The following JMY variants were observed in gnomAD, a reference collection of about 807,000 sequenced individuals.
JMY encodes the protein junction-mediating and -regulatory protein.
Under a neutral mutation model 103.3 loss-of-function variants are expected in JMY, and 46 were observed. The observed-to-expected ratio is 0.45, with a 90% confidence interval of 0.35 to 0.57. The LOEUF (loss-of-function observed/expected upper bound fraction) is 0.57, where lower values mean the gene tolerates loss of function less well. JMY is among the 20% of genes least tolerant of loss of function. The probability of loss-of-function intolerance (pLI) is 0.00; values close to 1 mark genes in which losing one functional copy is unlikely to be tolerated. For synonymous variants in JMY, 526 were observed against 489.3 expected, an observed-to-expected ratio of 1.07 and a Z score of -0.99; for missense variants, 1,238 against 1,255.2, an observed-to-expected ratio of 0.99 and a Z score of 0.21.
In JMY at chr5:79,316,105, G is replaced by A; in HGVS notation, c.2765G>A (p.Ser922Asn). 3.1e-6 allele frequency: 5 copies of A among 1,613,836 alleles called. No individual in the cohort carries two copies. Among genetic ancestry groups the A allele is most frequent in the Non-Finnish European group, 4.2e-6 (5 of 1,179,710 alleles). ...CCTCCTTTTCCTGATGAAGATGATA[G>A]TAATAATATCTTGGCACAAATAAGG... ...TLPPFPDEDDSNNILAQIRKG... is the reference protein window; with the variant it reads ...TLPPFPDEDDNNNILAQIRKG... Residue 922 changes from serine to asparagine, a missense_variant, in exon 10 of 11, where the codon AGT (serine) becomes AAT (asparagine). Ser to Asn is a conservative substitution (Grantham distance 46). Transcript: ENST00000396137.
At chr5:79,281,406 T>C (rs893084764) in intron 2 of JMY, among the ~76,000 whole-genome samples, 1 of 148,686 alleles carries the variant, frequency 6.7e-6, no homozygotes, top group African/African-American at 2.5e-5. Context: ...TGTTAAAAAC[T>C]GGAGCACAAT....
At chr5:79,270,085 G>C (rs961682516) in intron 1 of JMY, among the ~76,000 whole-genome samples, 5 of 151,890 alleles carry the variant, frequency 3.3e-5, no homozygotes, top group African/African-American at 7.3e-5. Context: ...TGGACAAATA[G>C]GTCATCTGCA....
At chr5:79,284,672 T>G in intron 2 of JMY, 1 of 1,586,340 alleles carries the variant, frequency 6.3e-7, no homozygotes, top group East Asian at 2.2e-5. Context: ...AGCTTGAATT[T>G]TCTAAGTGCA....
Position 79,324,168 on chromosome 5 carries a change from A to G in JMY, c.*2566A>G, listed in dbSNP as rs940075346. On this transcript the variant is annotated 3_prime_UTR_variant, in exon 11 of 11. Transcript: ENST00000396137. Reference sequence around the variant, plus strand: ...ACATTACCAGTGGAACCCACCTGTTAATTTTAAAGTAGCTTCAGAACCCAA... The same window carrying G: ...ACATTACCAGTGGAACCCACCTGTTGATTTTAAAGTAGCTTCAGAACCCAA... The G allele has an allele frequency of 6.6e-6, 1 of 152,220 alleles. No homozygotes were observed. Among genetic ancestry groups the G allele is most frequent in the Admixed American group, 6.5e-5 (1 of 15,274 alleles). The allele number at this position is 152,220 out of a possible 1,614,324, so 9.4% of individuals were successfully genotyped here.
intron 1 of JMY, among the ~76,000 whole-genome samples, chr5:79,252,620 C>T (rs1377523077): frequency 1.3e-5 from 2 of 152,054 alleles, no homozygotes; most frequent in Non-Finnish European, 2.9e-5. Context: ...CTAATATTTG[C>T]TTTATATGTC....
At chr5:79,276,439 C>T (rs901313553) in intron 1 of JMY, among the ~76,000 whole-genome samples, 1 of 151,272 alleles carries the variant, frequency 6.6e-6, no homozygotes, top group Non-Finnish European at 1.5e-5. Flanking sequence ...TTTGTTTGTT[C>T]TTTTTTTTGA....
At chr5:79,255,735 T>C (rs1024673282) in intron 1 of JMY, among the ~76,000 whole-genome samples, 5 of 152,246 alleles carry the variant, frequency 3.3e-5, no homozygotes, top group African/African-American at 9.6e-5. Flanking sequence ...ATTCACTGGA[T>C]TACCAGGCAA....
At position 79,289,846 on chromosome 5, in the gene JMY, G is replaced by A. The variant is rs150592987; in HGVS notation, c.1207-275G>A. On this transcript the variant is annotated intron_variant, in intron 2 of 10. Transcript: ENST00000396137. Reference sequence around the variant, plus strand: ...TAGAGGAGGAAATAAATTCCTCATCGAGACACCTAAAAACAATCAGTCTTA... The same window carrying A: ...TAGAGGAGGAAATAAATTCCTCATCAAGACACCTAAAAACAATCAGTCTTA... 2.0e-5 allele frequency among the ~76,000 whole-genome samples: 3 copies of A among 152,082 alleles called. No individual in the cohort carries two copies. The East Asian group carries it at 5.8e-4, about 29-fold the overall frequency.
chr5:79,253,633 C>CCA (rs1745155776), intron 1 of JMY, among the ~76,000 whole-genome samples: 1 of 152,128 alleles, frequency 6.6e-6, no homozygotes, highest in Non-Finnish European at 1.5e-5. Context: ...AGCTTACACA[C>CCA]CACAGTTACA....
At chr5:79,275,150 C>T (rs993116882) in intron 1 of JMY, among the ~76,000 whole-genome samples, 1 of 147,530 alleles carries the variant, frequency 6.8e-6, no homozygotes, top group Non-Finnish European at 1.5e-5. Context: ...CTGTGGGTTT[C>T]TGAGGGTTTT....
intron 1 of JMY, among the ~76,000 whole-genome samples, chr5:79,263,179 A>G (rs1380777952): frequency 6.6e-6 from 1 of 152,134 alleles, no homozygotes; most frequent in Non-Finnish European, 1.5e-5. Context: ...TATCTCGAAG[A>G]AAGTGTTAGT....
chr5:79,293,375 C>G (rs114335272), intron 4 of JMY, among the ~76,000 whole-genome samples: 1,927 of 147,366 alleles, frequency 0.013, 40 homozygotes, highest in African/African-American at 0.045. Flanking sequence ...TTAATTTATA[C>G]CCCCTTTAAC....
chr5:79,317,669 T>C (rs1747281972), intron 10 of JMY, among the ~76,000 whole-genome samples: 1 of 152,192 alleles, frequency 6.6e-6, no homozygotes, highest in African/African-American at 2.4e-5. Flanking sequence ...AATTAATTCA[T>C]GTGTTAGCCC....
At chr5:79,315,019 C>A (rs562137339) in intron 9 of JMY, among the ~76,000 whole-genome samples, 168 bp downstream of exon 9, 1 of 152,152 alleles carries the variant, frequency 6.6e-6, no homozygotes, top group Non-Finnish European at 1.5e-5. Flanking sequence ...ATAAAGTACA[C>A]AGAAATGTAT....
chr5:79,295,564 A>G (rs1315731002), intron 4 of JMY, among the ~76,000 whole-genome samples: 1 of 152,228 alleles, frequency 6.6e-6, no homozygotes, highest in Admixed American at 6.5e-5. Context: ...CCCAGAAGGG[A>G]ATACAGAGAA....
chr5:79,307,780 C>G (rs1331834717), intron 7 of JMY, among the ~76,000 whole-genome samples: 2 of 152,050 alleles, frequency 1.3e-5, no homozygotes, highest in Non-Finnish European at 2.9e-5. Flanking sequence ...ATTCTGTCAC[C>G]AAGGCTGGAG....
chr5:79,273,015 A>G (rs1561299139), intron 1 of JMY, among the ~76,000 whole-genome samples: 1 of 152,136 alleles, frequency 6.6e-6, no homozygotes. Context: ...TTTCATATTT[A>G]TTATAGTCAG....
chr5:79,253,395 C>T (rs1745147352), intron 1 of JMY, among the ~76,000 whole-genome samples: 1 of 151,948 alleles, frequency 6.6e-6, no homozygotes, highest in African/African-American at 2.4e-5. Context: ...TGGGTTCAAG[C>T]GATTCTTCTG....
chr5:79,265,125 C>T (rs757767586), intron 1 of JMY, among the ~76,000 whole-genome samples: 4 of 152,148 alleles, frequency 2.6e-5, no homozygotes, highest in Non-Finnish European at 5.9e-5. Flanking sequence ...CAGGTTTCAC[C>T]TTGTTAGCCA....
Sources: gnomAD v4.1 joint callset for allele counts (sites outside exome capture counted in the v4.1 genomes callset) on GRCh38, gnomAD v4.1.1 for gene constraint, MANE v1.5 for transcripts, NCBI Gene and HGNC (gene_info 2026-07-23, HGNC 2026-07-21) for gene names.